The following BCL7A variants were observed in gnomAD, a reference collection of about 807,000 sequenced individuals.
BCL7A encodes the protein B-cell CLL/lymphoma 7 protein family member A.
BCL7A carries 11 observed loss-of-function variants against 28.4 expected under a neutral mutation model. The observed-to-expected ratio is 0.39, with a 90% confidence interval of 0.24 to 0.64. The LOEUF (loss-of-function observed/expected upper bound fraction) is 0.64, where lower values mean the gene tolerates loss of function less well. Among genes scored for constraint, BCL7A ranks in the 30% least tolerant of loss-of-function variants. The probability of loss-of-function intolerance (pLI) is 0.50; values close to 1 mark genes in which losing one functional copy is unlikely to be tolerated. For synonymous variants in BCL7A, 123 were observed against 103.3 expected, an observed-to-expected ratio of 1.19 and a Z score of -1.15; for missense variants, 222 against 274.8, an observed-to-expected ratio of 0.81 and a Z score of 1.36.
chr12:122,054,720 T>G, intron 4 of BCL7A, 85 bp from the exon 5 acceptor site: 1 of 1,383,786 alleles, frequency 7.2e-7, no homozygotes, highest in Non-Finnish European at 9.9e-7. Context: ...AACTACCCGA[T>G]TCAAGGTATT....
At chr12:122,055,177 G>A (rs1951868633) in intron 5 of BCL7A, among the ~76,000 whole-genome samples, 1 of 152,226 alleles carries the variant, frequency 6.6e-6, no homozygotes, top group Non-Finnish European at 1.5e-5. Context: ...AGGATGAAGG[G>A]ACCTTGAACC....
Position 122,035,401 on chromosome 12 carries a change from C to T in BCL7A, c.245C>T (p.Ser82Phe). The change falls in exon 3 of 6, where the codon TCC becomes TTC. Residue 82 changes from serine (S) to phenylalanine (F), a missense_variant. Ser to Phe is a radical substitution (Grantham distance 155). This residue lies in a region of BCL7A where 67 missense variants were observed against 129.1 expected (regional missense o/e 0.52). Coordinates refer to ENST00000261822, the MANE Select transcript of BCL7A (RefSeq NM_001024808.3). Reference protein sequence around the residue: ...GSEVTTPENSSSPGMMDMHDD... With the variant: ...GSEVTTPENSFSPGMMDMHDD... ...GAGGTGACCACTCCGGAGAACAGTT[C>T]CTCCCCAGGGATGATGGACATGCAT... is the stretch of plus-strand genomic sequence containing the variant. 1 of 1,614,078 alleles carries T rather than the reference C, an allele frequency of 6.2e-7. No individual in the cohort carries two copies. Among genetic ancestry groups the T allele is most frequent in the Non-Finnish European group, 8.5e-7 (1 of 1,179,958 alleles).
chr12:122,023,036 G>A (rs1565932948), intron 1 of BCL7A, among the ~76,000 whole-genome samples: 4 of 152,290 alleles, frequency 2.6e-5, no homozygotes, highest in Non-Finnish European at 2.9e-5. Context: ...ACCGGGGAGA[G>A]GGGGACTTGG....
intron 2 of BCL7A, among the ~76,000 whole-genome samples, chr12:122,034,536 C>T (rs1883811503): frequency 6.6e-6 from 1 of 151,160 alleles, no homozygotes; most frequent in Non-Finnish European, 1.5e-5. Flanking sequence ...GAGTTCGAGA[C>T]CAGCCTGGCC....
chr12:122,042,148 C>T (rs1221419266), intron 3 of BCL7A, among the ~76,000 whole-genome samples: 1 of 152,130 alleles, frequency 6.6e-6, no homozygotes, highest in Non-Finnish European at 1.5e-5. Context: ...CCCAGCTCTG[C>T]CCCCAGCCCA....
At chr12:122,024,266 T>G (rs1883559998) in intron 1 of BCL7A, among the ~76,000 whole-genome samples, 1 of 152,352 alleles carries the variant, frequency 6.6e-6, no homozygotes, top group African/African-American at 2.4e-5. Context: ...TGCCGCGACC[T>G]TGGGCATATC....
In BCL7A at chr12:122,043,961, C is replaced by T; in HGVS notation, c.347C>T (p.Ala116Val). 2.5e-6 allele frequency: 4 copies of T among 1,614,038 alleles called. No homozygotes were observed. The African/African-American group carries it at 5.3e-5, about 22-fold the overall frequency. ...GAGAACAGCAGCAACTCCAGCCCCG[C>T]TCCAGAGCCCAACTCGGCTGTGCCC... ...KQENSSNSSPAPEPNSAVPSD... is the reference protein window; with the variant it reads ...KQENSSNSSPVPEPNSAVPSD... The change falls in exon 4 of 6, where the codon GCT (alanine) becomes GTT (valine). Residue 116 changes from alanine to valine, a missense_variant. Physicochemically the swap from Ala to Val is moderately conservative, Grantham distance 64. Transcript: ENST00000261822.
At chr12:122,027,168 C>G (rs1883647297) in intron 1 of BCL7A, among the ~76,000 whole-genome samples, 1 of 152,160 alleles carries the variant, frequency 6.6e-6, no homozygotes, top group Non-Finnish European at 1.5e-5. Flanking sequence ...CTGAGGGGGG[C>G]CAGAGAGCCC....
At chr12:122,024,744 G>A (rs1215322786) in intron 1 of BCL7A, among the ~76,000 whole-genome samples, 1 of 152,220 alleles carries the variant, frequency 6.6e-6, no homozygotes, top group East Asian at 1.9e-4. Flanking sequence ...AAAAATAAAT[G>A]TTTTTGAGTA....
chr12:122,027,537 C>G (rs1167942759), intron 1 of BCL7A, among the ~76,000 whole-genome samples: 1 of 151,854 alleles, frequency 6.6e-6, no homozygotes, highest in African/African-American at 2.4e-5. Flanking sequence ...GAGACCTTAT[C>G]TCAAAAAAAT....
intron 1 of BCL7A, among the ~76,000 whole-genome samples, chr12:122,024,242 C>A (rs1351126981): frequency 2.0e-5 from 3 of 152,206 alleles, no homozygotes; most frequent in African/African-American, 7.2e-5. Flanking sequence ...GGTCCAGCTT[C>A]CAGTTCACTT....
intron 2 of BCL7A, among the ~76,000 whole-genome samples, chr12:122,032,835 C>T (rs1045724059): frequency 6.6e-5 from 10 of 152,280 alleles, no homozygotes; most frequent in South Asian, 6.2e-4. Context: ...CATGATGTGC[C>T]ATGTGCCACT....
intron 1 of BCL7A, among the ~76,000 whole-genome samples, chr12:122,022,687 C>T (rs1428584516): frequency 2.0e-5 from 3 of 147,668 alleles, no homozygotes; most frequent in Non-Finnish European, 4.5e-5. Context: ...CGCCGCCCTC[C>T]GCCAGCCCCG....
chr12:122,045,431 G>A (rs192521076), intron 4 of BCL7A, among the ~76,000 whole-genome samples: 91 of 152,146 alleles, frequency 6.0e-4, no homozygotes, highest in South Asian at 1.5e-3. Flanking sequence ...AGCAGGCAGC[G>A]CCTCAGGTGT....
intron 4 of BCL7A, among the ~76,000 whole-genome samples, chr12:122,053,538 T>C (rs1455939329): frequency 6.6e-6 from 1 of 152,140 alleles, no homozygotes; most frequent in Non-Finnish European, 1.5e-5. Flanking sequence ...TCTCTAGGAT[T>C]CGTTTCGTGT....
At position 122,059,861 on chromosome 12, in the gene BCL7A, C is replaced by G; in HGVS notation, c.*698C>G. ...GGGCACAGTCCCCAAGGGCTCGGCC[C>G]CTTGGATCAGGCTGGGCACTCGCTG... On this transcript the variant is annotated 3_prime_UTR_variant, in exon 6 of 6. Transcript: ENST00000261822. This position sits in a 1 kb window ranked among gnomAD's most constrained non-coding sequence, Gnocchi z 4.0. 1 of 232,318 alleles carries G rather than the reference C, an allele frequency of 4.3e-6. No individual in the cohort carries two copies. Among genetic ancestry groups the G allele is most frequent in the Non-Finnish European group, 8.5e-6 (1 of 117,520 alleles). 14.4% of individuals were successfully genotyped at this position (232,318 alleles called of 1,614,324 possible).
chr12:122,039,156 G>T (rs1294361789), intron 3 of BCL7A, among the ~76,000 whole-genome samples: 6 of 151,754 alleles, frequency 4.0e-5, no homozygotes, highest in Admixed American at 1.3e-4. Context: ...AATTAGCCAG[G>T]CGTGGTGGCT....
Position 122,061,921 on chromosome 12 carries a change from A to ATT in BCL7A, c.*2771_*2772dup, listed in dbSNP as rs548843572. ...TACCTAATTTTTTCCCCTTTCAAGA[A>ATT]TTTTTTTTTTTTTTGGTGTGTTGTA... On this transcript the variant is annotated 3_prime_UTR_variant, in exon 6 of 6. Transcript: ENST00000261822. The ATT allele has an allele frequency of 4.5e-4, 83 of 185,672 alleles. No individual in the cohort carries two copies. The highest frequency in any genetic ancestry group is 5.4e-4 in the Non-Finnish European group (49 of 90,984). The allele number at this position is 185,672 out of a possible 1,614,324, so 11.5% of individuals were successfully genotyped here. A position where few individuals can be genotyped will look rare whatever the true frequency, so the allele number is the denominator to read the frequency against.
intron 5 of BCL7A, among the ~76,000 whole-genome samples, chr12:122,058,200 A>G (rs1951891369): frequency 6.6e-6 from 1 of 152,128 alleles, no homozygotes; most frequent in Non-Finnish European, 1.5e-5. Flanking sequence ...GTCTCTAAAA[A>G]AAATTATAAA....
Sources: allele counts gnomAD v4.1 joint callset (sites outside exome capture counted in the v4.1 genomes callset), GRCh38; gene constraint gnomAD v4.1.1; regional missense constraint gnomAD v4.1.1; non-coding constraint Gnocchi (gnomAD v3.1); transcripts MANE v1.5; gene names NCBI Gene and HGNC (gene_info 2026-07-23, HGNC 2026-07-21).